Variants in PDE1A observed in about 807,000 individuals in gnomAD.
PDE1A encodes the protein phosphodiesterase 1A, also known as dual specificity calcium/calmodulin-dependent 3',5'-cyclic nucleotide phosphodiesterase 1A.
Under a neutral mutation model 61.7 loss-of-function variants are expected in PDE1A, and 35 were observed. The observed-to-expected ratio is 0.57, with a 90% confidence interval of 0.43 to 0.75. The LOEUF is 0.75. Ranked by LOEUF, PDE1A falls within the 30% of genes least tolerant of loss-of-function variation. The pLI is 0.00. For synonymous variants in PDE1A, 232 were observed against 213.2 expected, an observed-to-expected ratio of 1.09 and a Z score of -0.77; for missense variants, 597 against 630.6, an observed-to-expected ratio of 0.95 and a Z score of 0.57.
intron 1 of PDE1A, among the ~76,000 whole-genome samples, chr2:182,285,825 G>C (rs1424424045): frequency 3.3e-5 from 5 of 152,088 alleles, no homozygotes; most frequent in Non-Finnish European, 7.4e-5. Context: ...GATCTTAGCT[G>C]AGTTCAGCAG....
intron 1 of PDE1A, among the ~76,000 whole-genome samples, chr2:182,373,008 A>G (rs974321223): frequency 6.6e-6 from 1 of 152,242 alleles, no homozygotes; most frequent in African/African-American, 2.4e-5. Context: ...AGCCCTGTGC[A>G]CTGGGACCCT....
chr2:182,393,408 C>G (rs570438029), intron 1 of PDE1A, among the ~76,000 whole-genome samples: 1 of 151,868 alleles, frequency 6.6e-6, no homozygotes, highest in South Asian at 2.1e-4. Flanking sequence ...TACTAGGCCT[C>G]TAGGCCTGTG....
the PDE1A span, among the ~76,000 whole-genome samples, chr2:182,550,961 G>A: frequency 2.0e-5 from 3 of 151,728 alleles, no homozygotes; most frequent in African/African-American, 4.8e-5. Flanking sequence ...AACAGGAAGG[G>A]AGCCTGGAAA....
chr2:182,545,889 G>T, the PDE1A span, among the ~76,000 whole-genome samples: 1 of 152,278 alleles, frequency 6.6e-6, no homozygotes, highest in African/African-American at 2.4e-5. Context: ...ATTACATAAT[G>T]TAATTAGTAA....
the PDE1A span, among the ~76,000 whole-genome samples, chr2:182,657,776 T>C: frequency 2.6e-5 from 4 of 152,176 alleles, no homozygotes; most frequent in African/African-American, 7.2e-5. Flanking sequence ...AAATCAACCA[T>C]GTGGGAAGCC....
the PDE1A span, among the ~76,000 whole-genome samples, chr2:182,580,400 G>A: frequency 8.6e-5 from 13 of 151,998 alleles, no homozygotes; most frequent in African/African-American, 3.1e-4. Context: ...GTCTTTACAC[G>A]GTCTGCCTGC....
At position 182,463,860 on chromosome 2, in the gene PDE1A, T is replaced by C. The variant is rs144313697; in HGVS notation, c.101+58416A>G. On this transcript the variant is annotated intron_variant, in intron 2 of 14. Coordinates refer to the PDE1A transcript ENST00000410103. Reference sequence around the variant, plus strand: ...TACAAGCTGTGGAAAAGCATAAGCATGAAATCAGATTCACCCAGGGCTGCC... The same window carrying C: ...TACAAGCTGTGGAAAAGCATAAGCACGAAATCAGATTCACCCAGGGCTGCC... Among the ~76,000 whole-genome samples the C allele has an allele frequency of 3.7e-3, 569 of 152,290 alleles. 1 individual carries two copies. Among genetic ancestry groups the C allele is most frequent in the African/African-American group, 0.013 (537 of 41,570 alleles).
intron 13 of PDE1A, 138 bp downstream of exon 13, chr2:182,185,754 A>C: frequency 6.7e-7 from 1 of 1,491,460 alleles, no homozygotes; most frequent in Non-Finnish European, 9.0e-7. Context: ...ATGAATGATC[A>C]AAGAGTAGCC....
chr2:182,477,362 G>C (rs1307957265), intron 2 of PDE1A, among the ~76,000 whole-genome samples: 2 of 151,842 alleles, frequency 1.3e-5, no homozygotes, highest in Non-Finnish European at 2.9e-5. Context: ...TATTTACTGG[G>C]AACAAGTGAC....
the PDE1A span, among the ~76,000 whole-genome samples, chr2:182,677,754 A>G: frequency 1.3e-5 from 2 of 152,346 alleles, no homozygotes; most frequent in East Asian, 1.9e-4. Context: ...AAAGCTGACG[A>G]AAACAAGCAA....
intron 2 of PDE1A, among the ~76,000 whole-genome samples, chr2:182,465,203 C>T (rs1686575101): frequency 6.6e-6 from 1 of 151,918 alleles, no homozygotes; most frequent in South Asian, 2.1e-4. Context: ...TTTTGAACTA[C>T]CAAATATTTA....
the PDE1A span, among the ~76,000 whole-genome samples, chr2:182,628,396 G>C: frequency 6.6e-6 from 1 of 152,112 alleles, no homozygotes; most frequent in Non-Finnish European, 1.5e-5. Flanking sequence ...TAATTAATTT[G>C]CTAAGCAAGC....
At chr2:182,462,124 G>T in intron 2 of PDE1A, among the ~76,000 whole-genome samples, 1 of 151,644 alleles carries the variant, frequency 6.6e-6, no homozygotes, top group Non-Finnish European at 1.5e-5. Context: ...TTGGACACAG[G>T]AAGGGGAACA....
intron 1 of PDE1A, among the ~76,000 whole-genome samples, chr2:182,375,914 A>G (rs904323170): frequency 3.3e-5 from 5 of 152,326 alleles, no homozygotes; most frequent in Admixed American, 1.3e-4. Context: ...CTTGCACCCA[A>G]TGAAGCTATG....
chr2:182,582,993 A>G, the PDE1A span, among the ~76,000 whole-genome samples: 1 of 152,196 alleles, frequency 6.6e-6, no homozygotes, highest in South Asian at 2.1e-4. Context: ...GACCTTTAAA[A>G]TAACTACAGC....
intron 2 of PDE1A, among the ~76,000 whole-genome samples, chr2:182,434,921 A>G (rs1704135484): frequency 6.6e-6 from 1 of 152,066 alleles, no homozygotes. Flanking sequence ...ATTTCTAGTG[A>G]CAGAAAAGCT....
At chr2:182,242,596 T>G (rs561871607) in intron 2 of PDE1A, among the ~76,000 whole-genome samples, 16 of 152,336 alleles carry the variant, frequency 1.1e-4, no homozygotes, top group African/African-American at 3.6e-4. Flanking sequence ...TTAGATGTGA[T>G]TAACATTTAA....
At chr2:182,295,122 C>T (rs557161298) in intron 1 of PDE1A, among the ~76,000 whole-genome samples, 1 of 117,838 alleles carries the variant, frequency 8.5e-6, no homozygotes, top group African/African-American at 3.3e-5. Flanking sequence ...GGCCAGACTG[C>T]GGACTGCAGT....
At chr2:182,468,000 T>G (rs1049789098) in intron 2 of PDE1A, among the ~76,000 whole-genome samples, 2 of 152,036 alleles carry the variant, frequency 1.3e-5, no homozygotes, top group African/African-American at 4.8e-5. Context: ...AATTCTTTAT[T>G]GCTAAAACAT....
Sources: gnomAD v4.1 joint callset for allele counts (sites outside exome capture counted in the v4.1 genomes callset) on GRCh38, gnomAD v4.1.1 for gene constraint, MANE v1.5 for transcripts, NCBI Gene and HGNC (gene_info 2026-07-23, HGNC 2026-07-21) for gene names.